The following MEIKIN variants were observed in gnomAD, a reference collection of about 807,000 sequenced individuals.
The protein encoded by MEIKIN is meiotic kinetochore factor.
At chr5:131,845,612 C>A (rs1403426721) in intron 11 of MEIKIN, among the ~76,000 whole-genome samples, 8 of 149,110 alleles carry the variant, frequency 5.4e-5, no homozygotes, top group South Asian at 2.1e-4. Context: ...TCAAAAGAAG[C>A]AAAAAAAAAA....
At chr5:131,940,476 CTACAGA>C (rs1336519888) in intron 4 of MEIKIN, among the ~76,000 whole-genome samples, 3 of 152,116 alleles carry the variant, frequency 2.0e-5, no homozygotes, top group Non-Finnish European at 4.4e-5. Context: ...CCTCTGGTAT[CTACAGA>C]TATTTAGTTT....
chr5:131,884,203 C>G (rs1406002620), intron 8 of MEIKIN, among the ~76,000 whole-genome samples: 5 of 152,142 alleles, frequency 3.3e-5, no homozygotes, highest in Non-Finnish European at 7.4e-5. Flanking sequence ...TACTGGGACA[C>G]CAGCCAAGGC....
rs1346803818 is a variant in MEIKIN at position 131,820,011 on chromosome 5, G to A, written c.976-1148C>T. On this transcript the variant is annotated intron_variant, in intron 11 of 12. Transcript: ENST00000442687. ...GGGATGGTCTCGATCTCCTGACCTCGTGATCCGCCCGCCTCGGCCTCCCAA... is the reference window on the plus strand; with the variant it reads ...GGGATGGTCTCGATCTCCTGACCTCATGATCCGCCCGCCTCGGCCTCCCAA... 2.7e-5 allele frequency among the ~76,000 whole-genome samples: 4 copies of A among 146,940 alleles called. No individual in the cohort carries two copies. In the East Asian group the frequency reaches 6.0e-4, roughly 22 times the overall value.
intron 9 of MEIKIN, among the ~76,000 whole-genome samples, chr5:131,857,871 T>A (rs1302786550): frequency 6.6e-6 from 1 of 152,206 alleles, no homozygotes; most frequent in Non-Finnish European, 1.5e-5. Flanking sequence ...CCACCGCTAA[T>A]GTGCGGCACT....
chr5:131,941,147 T>C (rs1433044087), intron 4 of MEIKIN, among the ~76,000 whole-genome samples: 1 of 75,794 alleles, frequency 1.3e-5, no homozygotes, highest in East Asian at 7.7e-4. Flanking sequence ...TCTTCCTTTT[T>C]TTTTTTTTTT....
chr5:131,822,490 G>C (rs1749527568), intron 11 of MEIKIN, among the ~76,000 whole-genome samples: 1 of 151,964 alleles, frequency 6.6e-6, no homozygotes, highest in South Asian at 2.1e-4. Context: ...GTTACCATGA[G>C]GCTTGCAAAT....
Position 131,858,376 on chromosome 5 carries a change from G to T in MEIKIN, c.775-3542C>A, listed in dbSNP as rs114603013. 5.1e-3 allele frequency among the ~76,000 whole-genome samples: 783 copies of T among 152,230 alleles called. 4 individuals carry two copies. The highest frequency in any genetic ancestry group is 0.017 in the African/African-American group (718 of 41,518). On this transcript the variant is annotated intron_variant, in intron 9 of 12. Transcript: ENST00000442687. ...TCAAGAAATGGTGCTGGGATAACTG[G>T]CCAGCCATATTCAGAAGACTGAAAC...
At chr5:131,875,190 G>C (rs971398157) in intron 9 of MEIKIN, among the ~76,000 whole-genome samples, 3 of 152,002 alleles carry the variant, frequency 2.0e-5, no homozygotes, top group Non-Finnish European at 4.4e-5. Flanking sequence ...ATTAGGAAAA[G>C]AGGAAGTCAA....
chr5:131,809,313 C>T (rs2149599522), intron 12 of MEIKIN, among the ~76,000 whole-genome samples: 1 of 152,282 alleles, frequency 6.6e-6, no homozygotes, highest in Admixed American at 6.5e-5. Context: ...AAGGCCTCCA[C>T]GATGGCAAAC....
chr5:131,874,535 G>C (rs977535511), intron 9 of MEIKIN, among the ~76,000 whole-genome samples: 1 of 152,226 alleles, frequency 6.6e-6, no homozygotes, highest in African/African-American at 2.4e-5. Flanking sequence ...TCCAGGACCA[G>C]ATGGATTCAC....
rs928058157 is a variant in MEIKIN, at chr5:131,944,720, A to G, written c.233T>C (p.Leu78Pro). ...PRLGVTGEKS[L>P]QENRSSEDTQ... ...GTCTTCACTAGACCTATTTTCTTGC[A>G]GGCTTTTCTCTCCTGTAACTCCTAA... is the stretch of plus-strand genomic sequence containing the variant. The change falls in exon 3 of 13, where the codon CTG becomes CCG. Residue 78 changes from leucine to proline, a missense_variant. Coordinates refer to ENST00000442687, the MANE Select transcript of MEIKIN (RefSeq NM_001303622.2). 3.8e-5 allele frequency: 15 copies of G among 399,090 alleles called. No homozygotes were observed. The highest frequency in any genetic ancestry group is 5.3e-5 in the Non-Finnish European group (12 of 226,072). 24.7% of individuals were successfully genotyped at this position (399,090 alleles called of 1,614,324 possible). A position where few individuals can be genotyped will look rare whatever the true frequency, so the allele number is the denominator to read the frequency against.
chr5:131,845,272 TAAAA>T (rs1158220526), intron 11 of MEIKIN, among the ~76,000 whole-genome samples: 47 of 45,354 alleles, frequency 1.0e-3, no homozygotes, highest in African/African-American at 6.0e-3. Flanking sequence ...GACTTCGTCT[TAAAA>T]AAAAAAAAAA....
chr5:131,922,075 G>C (rs1246831451), intron 5 of MEIKIN, 134 bp from the exon 6 acceptor site: 1 of 391,842 alleles, frequency 2.6e-6, no homozygotes, highest in Non-Finnish European at 4.5e-6. Flanking sequence ...GGATGAGACA[G>C]AAAAAAATAA....
At chr5:131,824,513 T>C (rs937089046) in intron 11 of MEIKIN, among the ~76,000 whole-genome samples, 4 of 151,644 alleles carry the variant, frequency 2.6e-5, no homozygotes, top group African/African-American at 9.7e-5. Context: ...GAGAGAGACA[T>C]CCTGTCTTAA....
intron 9 of MEIKIN, among the ~76,000 whole-genome samples, chr5:131,857,631 C>T (rs186236871): frequency 1.6e-4 from 25 of 152,278 alleles, no homozygotes; most frequent in Non-Finnish European, 2.9e-4. Context: ...CATGCCTCAC[C>T]GTCAGAGAGC....
chr5:131,907,656 G>A (rs1039320042), intron 8 of MEIKIN, among the ~76,000 whole-genome samples: 6 of 151,188 alleles, frequency 4.0e-5, no homozygotes, highest in South Asian at 2.1e-4. Flanking sequence ...GGCGGATCAC[G>A]AAGTCAGGAG....
intron 7 of MEIKIN, among the ~76,000 whole-genome samples, chr5:131,913,228 T>C (rs1751358668): frequency 6.6e-6 from 1 of 152,204 alleles, no homozygotes; most frequent in South Asian, 2.1e-4. Context: ...TTGAGTGAGG[T>C]TACTTCATCC....
At chr5:131,880,788 A>T (rs1282015476) in intron 8 of MEIKIN, among the ~76,000 whole-genome samples, 2 of 152,226 alleles carry the variant, frequency 1.3e-5, no homozygotes, top group Non-Finnish European at 2.9e-5. Flanking sequence ...TGTATTCCTC[A>T]GCCTCACTAC....
intron 7 of MEIKIN, among the ~76,000 whole-genome samples, chr5:131,912,522 T>C (rs1751348001): frequency 6.6e-6 from 1 of 151,998 alleles, no homozygotes. Context: ...ACCACAAAAA[T>C]GGGATTTCTG....
Sources: allele counts gnomAD v4.1 joint callset (sites outside exome capture counted in the v4.1 genomes callset), GRCh38; gene constraint gnomAD v4.1.1; transcripts MANE v1.5; gene names NCBI Gene and HGNC (gene_info 2026-07-23, HGNC 2026-07-21).